Variants in KIF26A observed in about 807,000 individuals in gnomAD.
KIF26A encodes the protein kinesin-like protein KIF26A.
In KIF26A, 74 loss-of-function variants were observed where a neutral mutation model predicts 126.0. The ratio of observed to expected loss-of-function variants is 0.59; its 90% CI spans 0.49 to 0.71. The LOEUF is 0.71. KIF26A is among the 30% of genes least tolerant of loss of function. KIF26A has a pLI of 0.00. For missense variants in KIF26A, 2,984 were observed against 2,763.3 expected (o/e 1.08, Z -1.79); for synonymous variants, 1,445 against 1,232.7 (o/e 1.17, Z -3.61).
chr14:104,149,078 C>G (rs1384098718), intron 2 of KIF26A, among the ~76,000 whole-genome samples: 2 of 152,178 alleles, frequency 1.3e-5, no homozygotes, highest in Non-Finnish European at 2.9e-5. Flanking sequence ...CTGGTGCAGC[C>G]TGGCTGGTGT....
intron 2 of KIF26A, among the ~76,000 whole-genome samples, chr14:104,150,858 C>T (rs544050035): frequency 6.6e-6 from 1 of 152,306 alleles, no homozygotes; most frequent in African/African-American, 2.4e-5. Flanking sequence ...TAGGTGGTCA[C>T]AGCCACAGCA....
At chr14:104,157,065 C>T (rs554294615) in intron 3 of KIF26A, among the ~76,000 whole-genome samples, 8 of 152,242 alleles carry the variant, frequency 5.3e-5, no homozygotes, top group African/African-American at 1.4e-4. Context: ...CCCCCCACGC[C>T]GCCCAGGACC....
chr14:104,167,443 C>T (rs536089444), intron 5 of KIF26A, among the ~76,000 whole-genome samples: 5 of 152,026 alleles, frequency 3.3e-5, no homozygotes, highest in African/African-American at 9.7e-5. Context: ...CCAGAGTCAC[C>T]GTGTGCAGGC....
At position 104,175,920 on chromosome 14, in the gene KIF26A, G is replaced by A. The variant is rs752589282; in HGVS notation, c.3132G>A (p.Ala1044=). ...FTVVEELSLG[A]LAGAGRPTSL... is the part of the protein sequence containing the mutation. Reference sequence around the variant, plus strand: ...TGGTGGAGGAGCTGTCCCTGGGGGCGCTTGCCGGAGCTGGGCGGCCCACCA... The same window carrying A: ...TGGTGGAGGAGCTGTCCCTGGGGGCACTTGCCGGAGCTGGGCGGCCCACCA... The change falls in exon 12 of 15, where the codon GCG becomes GCA. Residue 1044 remains alanine, a synonymous_variant. Transcript: ENST00000423312. 26 of 1,548,628 alleles carry A rather than the reference G, an allele frequency of 1.7e-5. No homozygotes were observed. In the South Asian group the frequency reaches 1.9e-4, roughly 11 times the overall value.
intron 2 of KIF26A, among the ~76,000 whole-genome samples, chr14:104,144,059 C>A (rs528891227): frequency 1.3e-5 from 2 of 152,338 alleles, no homozygotes; most frequent in South Asian, 4.1e-4. Context: ...TGTGCAGCCT[C>A]TGTGGGACCT....
chr14:104,140,362 T>G (rs1012605840), intron 2 of KIF26A, among the ~76,000 whole-genome samples: 3 of 152,160 alleles, frequency 2.0e-5, no homozygotes, highest in African/African-American at 7.2e-5. Flanking sequence ...GGCTGCAGCC[T>G]TGGCCATACT....
chr14:104,173,811 C>T lies in KIF26A; in HGVS notation c.1973C>T (p.Ser658Leu), dbSNP rs376560266. The T allele has an allele frequency of 3.2e-5, 52 of 1,603,490 alleles. No homozygotes were observed. Among genetic ancestry groups the T allele is most frequent in the African/African-American group, 6.7e-5 (5 of 74,898 alleles). ...GGGGGTCCCCTGTGTCTGTCCCTGT[C>T]GGCCCTGGGCAGCGTCATCTTGGCC... ...AAGGPLCLSL[S>L]ALGSVILALV... Residue 658 changes from serine to leucine, a missense_variant, in exon 10 of 15, where the codon TCG becomes TTG. Ser to Leu is a moderately radical substitution (Grantham distance 145). Transcript: ENST00000423312.
chr14:104,166,761 T>C lies in KIF26A; in HGVS notation c.924-98T>C, dbSNP rs1596144104. On this transcript the variant is annotated intron_variant, in intron 4 of 14. Transcript: ENST00000423312. ...CTGGGTTTCCTGGGATGGTGGCTGA[T>C]GAAGTCCCAGGGTGGGATCGCCTGG... 4.3e-6 allele frequency: 5 copies of C among 1,169,504 alleles called. No homozygotes were observed. The East Asian group carries it at 1.4e-4, about 32-fold the overall frequency. 72.4% of individuals were successfully genotyped at this position (1,169,504 alleles called of 1,614,324 possible).
Position 104,177,630 on chromosome 14 carries a change from C to G in KIF26A, c.4842C>G (p.Ser1614Arg). ...GCCCGGCCCTGCCCTCCCCCTACAG[C>G]AAGGTGACCGCCCCACGGCGGCCCC... Reference protein sequence around the residue: ...PTGPALPSPYSKVTAPRRPQR... With the variant: ...PTGPALPSPYRKVTAPRRPQR... The change falls in exon 12 of 15, where the codon AGC (serine) becomes AGG (arginine). Residue 1614 changes from serine (S) to arginine (R), a missense_variant. Ser to Arg is a moderately radical substitution (Grantham distance 110). Coordinates refer to ENST00000423312, the MANE Select transcript of KIF26A (RefSeq NM_015656.2). The G allele has an allele frequency of 6.6e-7, 1 of 1,526,314 alleles. No individual in the cohort carries two copies. Among genetic ancestry groups the G allele is most frequent in the Non-Finnish European group, 8.8e-7 (1 of 1,141,204 alleles). 94.5% of individuals were successfully genotyped at this position (1,526,314 alleles called of 1,614,324 possible).
Position 104,173,350 on chromosome 14 carries a change from G to A in KIF26A, c.1704G>A (p.Leu568=), listed in dbSNP as rs775475816. 1 of 1,605,138 alleles carries A rather than the reference G, an allele frequency of 6.2e-7. No homozygotes were observed. The highest frequency in any genetic ancestry group is 1.1e-5 in the South Asian group (1 of 90,004). Residue 568 remains leucine (L), a synonymous_variant, in exon 9 of 15, where the codon CTG becomes CTA. Transcript: ENST00000423312. ...TGCAGCTCCAGAACCAAAGCGAGCTGCGGGCACCCACGGCCGAGAAGGCGG... is the reference window on the plus strand; with the variant it reads ...TGCAGCTCCAGAACCAAAGCGAGCTACGGGCACCCACGGCCGAGAAGGCGG... The part of the protein sequence containing the change: ...CGAQLQNQSE[L]RAPTAEKAAF...
Position 104,138,670 on chromosome 14 carries a change from C to G in KIF26A, c.-53C>G. The G allele has an allele frequency of 1.6e-6, 2 of 1,244,966 alleles. No homozygotes were observed. Among genetic ancestry groups the G allele is most frequent in the Non-Finnish European group, 2.0e-6 (2 of 990,954 alleles). 77.1% of individuals were successfully genotyped at this position (1,244,966 alleles called of 1,614,324 possible). A position where few individuals can be genotyped will look rare whatever the true frequency, so the allele number is the denominator to read the frequency against. On this transcript the variant is annotated 5_prime_UTR_variant, in exon 1 of 15. Coordinates refer to ENST00000423312, the MANE Select transcript of KIF26A (RefSeq NM_015656.2). ...CCGGATCACGTAGCCGCGGCGCCCC[C>G]GGAGAGCCAGCGTGGCCGGGAGCGC...
intron 5 of KIF26A, 116 bp downstream of exon 5, chr14:104,167,164 G>T (rs2037914678): frequency 8.6e-7 from 1 of 1,167,470 alleles, no homozygotes; most frequent in Non-Finnish European, 1.2e-6. Context: ...TTGGATAAGG[G>T]TGGTCAGTGG....
intron 2 of KIF26A, among the ~76,000 whole-genome samples, chr14:104,145,436 T>G (rs963024299): frequency 2.0e-5 from 3 of 151,942 alleles, no homozygotes; most frequent in African/African-American, 7.3e-5. Flanking sequence ...TGGGGATGGG[T>G]GGGTGGCCCA....
chr14:104,155,373 C>G (rs751692402), intron 3 of KIF26A, among the ~76,000 whole-genome samples: 41 of 152,286 alleles, frequency 2.7e-4, no homozygotes, highest in Non-Finnish European at 4.3e-4. Flanking sequence ...TGCTGGCCGC[C>G]TGGTGCCTGC....
intron 2 of KIF26A, among the ~76,000 whole-genome samples, chr14:104,146,127 T>A (rs1194940358): frequency 1.3e-5 from 2 of 152,126 alleles, no homozygotes; most frequent in African/African-American, 4.8e-5. Flanking sequence ...TGTCTCAGTC[T>A]CTCTGAGCCT....
Position 104,171,839 on chromosome 14 carries a change from C to T in KIF26A, c.1230C>T (p.Ala410=), listed in dbSNP as rs780678262. 1.9e-5 allele frequency: 30 copies of T among 1,556,606 alleles called. No homozygotes were observed. The African/African-American group carries it at 2.6e-4, about 13-fold the overall frequency. ...KKQVILYDPA[A]GPPGSAGPRR... Reference sequence around the variant, plus strand: ...AGGTGATCCTCTACGATCCCGCCGCCGGTCCCCCAGGCAGCGCAGGCCCCC... The same window carrying T: ...AGGTGATCCTCTACGATCCCGCCGCTGGTCCCCCAGGCAGCGCAGGCCCCC... The change falls in exon 6 of 15, where the codon GCC becomes GCT. Residue 410 remains alanine, a synonymous_variant. Coordinates refer to ENST00000423312, the MANE Select transcript of KIF26A (RefSeq NM_015656.2).
At chr14:104,140,076 A>G (rs949424778) in intron 2 of KIF26A, among the ~76,000 whole-genome samples, 1 of 152,202 alleles carries the variant, frequency 6.6e-6, no homozygotes, top group African/African-American at 2.4e-5. Context: ...CCTTTATGAA[A>G]GAGTTCCTGG....
chr14:104,164,760 CGT>C (rs925113805), intron 4 of KIF26A, among the ~76,000 whole-genome samples: 37 of 147,232 alleles, frequency 2.5e-4, no homozygotes, highest in African/African-American at 5.9e-4. Flanking sequence ...TGTGTGTGCG[CGT>C]GTCTGTGTGT....
At position 104,177,473 on chromosome 14, in the gene KIF26A, C is replaced by T; in HGVS notation, c.4685C>T (p.Ala1562Val). 6.5e-7 allele frequency: 1 copy of T among 1,532,822 alleles called. No individual in the cohort carries two copies. The allele number at this position is 1,532,822 out of a possible 1,614,324, so 95.0% of individuals were successfully genotyped here. A position where few individuals can be genotyped will look rare whatever the true frequency, so the allele number is the denominator to read the frequency against. ...TVMGTKQALR[A>V]AHSRVHELSA... The stretch of plus-strand genomic sequence containing the variant: ...ATGGGCACAAAGCAGGCGCTCCGGG[C>T]TGCTCACAGCCGCGTCCATGAGCTG... Residue 1562 changes from alanine to valine, a missense_variant, in exon 12 of 15, where the codon GCT becomes GTT. Transcript: ENST00000423312.
Sources: gnomAD v4.1 joint callset for allele counts (sites outside exome capture counted in the v4.1 genomes callset) on GRCh38, gnomAD v4.1.1 for gene constraint, MANE v1.5 for transcripts, NCBI Gene and HGNC (gene_info 2026-07-23, HGNC 2026-07-21) for gene names.